Variants in ATP10B observed in about 807,000 individuals in gnomAD.
The protein encoded by ATP10B is ATPase phospholipid transporting 10B (putative).
Under a neutral mutation model 141.2 loss-of-function variants are expected in ATP10B, and 122 were observed. The ratio of observed to expected loss-of-function variants is 0.86; its 90% CI spans 0.75 to 1.00. ATP10B has a LOEUF of 1.00. Ranked by LOEUF, ATP10B falls within the 50% of genes least tolerant of loss-of-function variation. ATP10B has a pLI of 0.00. For synonymous variants in ATP10B, 685 were observed against 692.0 expected (o/e 0.99, Z 0.16); for missense variants, 1,876 against 1,825.3 (o/e 1.03, Z -0.51).
intron 1 of ATP10B, among the ~76,000 whole-genome samples, chr5:160,812,024 G>C (rs1389982740): frequency 0.011 from 222 of 20,576 alleles, 1 homozygote; most frequent in Middle Eastern, 0.016. Flanking sequence ...CAGAGACAGA[G>C]AGAGAGAGAG....
At chr5:160,743,977 A>T (rs1333740083) in intron 2 of ATP10B, among the ~76,000 whole-genome samples, 1 of 152,224 alleles carries the variant, frequency 6.6e-6, no homozygotes, top group Non-Finnish European at 1.5e-5. Context: ...CAAAATGTTA[A>T]TAATACCAAG....
chr5:160,881,006 CAT>C, the ATP10B span, among the ~76,000 whole-genome samples: 2 of 152,092 alleles, frequency 1.3e-5, no homozygotes, highest in East Asian at 1.9e-4. Context: ...GAAGACAAGA[CAT>C]AGACTGGGAG....
At chr5:160,669,558 C>T (rs991873906) in intron 7 of ATP10B, among the ~76,000 whole-genome samples, 2 of 149,986 alleles carry the variant, frequency 1.3e-5, no homozygotes, top group African/African-American at 4.9e-5. Flanking sequence ...ACAAAAGTGT[C>T]AATGCCACTG....
At chr5:160,766,917 C>G (rs111969312) in intron 2 of ATP10B, among the ~76,000 whole-genome samples, 2 of 152,120 alleles carry the variant, frequency 1.3e-5, no homozygotes, top group African/African-American at 4.8e-5. Flanking sequence ...AGATCATGGT[C>G]AAGGCAGCTG....
chr5:160,675,262 AG>A (rs1762952947), intron 6 of ATP10B, among the ~76,000 whole-genome samples: 1 of 151,304 alleles, frequency 6.6e-6, no homozygotes, highest in South Asian at 2.1e-4. Context: ...CTGCTATTTT[AG>A]TTTTATGCCA....
Position 160,644,214 on chromosome 5 carries a change from A to G in ATP10B, c.792T>C (p.Phe264=), listed in dbSNP as rs775021421. 6.2e-7 allele frequency: 1 copy of G among 1,614,010 alleles called. No individual in the cohort carries two copies. Among genetic ancestry groups the G allele is most frequent in the South Asian group, 1.1e-5 (1 of 91,072 alleles). The change falls in exon 9 of 26, where the codon TTT becomes TTC. Residue 264 remains phenylalanine (F), a synonymous_variant. Transcript: ENST00000327245. ...MEHPDQTRTG[F]GCESLLLRGC... ...CTCGAAGCAGAAGACTCTCACAGCC[A>G]AAGCCAGTCCTGGTCTGGTCAGGAT...
chr5:160,793,904 C>T (rs140718722), intron 1 of ATP10B, among the ~76,000 whole-genome samples: 129 of 152,274 alleles, frequency 8.5e-4, no homozygotes, highest in African/African-American at 2.9e-3. Flanking sequence ...AATAGAGGAA[C>T]ATGCTGTACA....
intron 24 of ATP10B, among the ~76,000 whole-genome samples, chr5:160,582,133 C>A (rs1031501481): frequency 6.6e-6 from 1 of 152,144 alleles, no homozygotes; most frequent in Non-Finnish European, 1.5e-5. Flanking sequence ...TTAATTGGAG[C>A]ATTTAGCCCA....
intron 7 of ATP10B, among the ~76,000 whole-genome samples, chr5:160,669,606 CTCTTT>C: frequency 7.9e-6 from 1 of 126,590 alleles, no homozygotes; most frequent in South Asian, 2.7e-4. Context: ...GCCAGTCTCT[CTCTTT>C]TTTTTTTTTT....
intron 8 of ATP10B, among the ~76,000 whole-genome samples, chr5:160,647,746 C>T (rs1475762925): frequency 6.6e-6 from 1 of 152,168 alleles, no homozygotes; most frequent in East Asian, 1.9e-4. Flanking sequence ...ACAGGCTTTA[C>T]CTCCTTTGCA....
Position 160,759,368 on chromosome 5 carries a change from G to A in ATP10B, c.-331+26191C>T, listed in dbSNP as rs571295074. Reference sequence around the variant, plus strand: ...CAATTTAGTCCTTAGTTTGTATCATGAAGGAAACACAGGTAAACACGATAA... The same window carrying A: ...CAATTTAGTCCTTAGTTTGTATCATAAAGGAAACACAGGTAAACACGATAA... On this transcript the variant is annotated intron_variant, in intron 2 of 25. Transcript: ENST00000327245. Among the ~76,000 whole-genome samples the A allele has an allele frequency of 3.4e-3, 521 of 152,288 alleles. 3 individuals are homozygous for A. Among genetic ancestry groups the A allele is most frequent in the African/African-American group, 0.012 (497 of 41,558 alleles).
chr5:160,867,886 T>C, the ATP10B span, among the ~76,000 whole-genome samples: 4 of 152,302 alleles, frequency 2.6e-5, no homozygotes, highest in Admixed American at 6.5e-5. Context: ...TCTATTCATT[T>C]GATGCAAATA....
chr5:160,648,575 C>G lies in ATP10B; in HGVS notation c.761+596G>C, dbSNP rs139964807. On this transcript the variant is annotated intron_variant, in intron 8 of 25. Transcript: ENST00000327245. Reference sequence around the variant, plus strand: ...AACCAAAGTTGAGGAATAAGAATAACAATTATCCTAATAGCAGGAGCCACT... The same window carrying G: ...AACCAAAGTTGAGGAATAAGAATAAGAATTATCCTAATAGCAGGAGCCACT... 1.7e-4 allele frequency among the ~76,000 whole-genome samples: 26 copies of G among 152,294 alleles called. No individual in the cohort carries two copies. In the East Asian group the frequency reaches 4.8e-3, roughly 28 times the overall value.
At chr5:160,764,787 G>C (rs1199713045) in intron 2 of ATP10B, among the ~76,000 whole-genome samples, 1 of 152,044 alleles carries the variant, frequency 6.6e-6, no homozygotes, top group Non-Finnish European at 1.5e-5. Context: ...GCTGTTTGCT[G>C]ATATAATCAC....
intron 2 of ATP10B, among the ~76,000 whole-genome samples, chr5:160,748,016 A>T (rs1453802920): frequency 7.7e-6 from 1 of 129,614 alleles, no homozygotes. Context: ...AAAAAAAAAA[A>T]GCGGCCGGGG....
intron 2 of ATP10B, among the ~76,000 whole-genome samples, chr5:160,735,468 C>G (rs1036765483): frequency 2.1e-4 from 32 of 151,950 alleles, no homozygotes; most frequent in Admixed American, 1.3e-3. Context: ...TCTACATGCA[C>G]CCAACACTGG....
chr5:160,835,638 A>T (rs1249905465), intron 1 of ATP10B, among the ~76,000 whole-genome samples: 1 of 152,116 alleles, frequency 6.6e-6, no homozygotes. Context: ...ATTTTCAACC[A>T]AAGAGACTTT....
chr5:160,578,872 C>T (rs1354869504), intron 24 of ATP10B, among the ~76,000 whole-genome samples: 1 of 152,196 alleles, frequency 6.6e-6, no homozygotes, highest in South Asian at 2.1e-4. Context: ...TAATGATCGC[C>T]ATTCTAACTG....
rs574540716 is a variant in ATP10B at position 160,585,655 on chromosome 5, ATCTTT to A, written c.3750+3932_3750+3936del. ...TACCTCCAAACAGCTTGCCATTGTT[ATCTTT>A]TCTTTAGATTTCTTTCTTGAGTAGG... On this transcript the variant is annotated intron_variant, in intron 24 of 25. Transcript: ENST00000327245. Among the ~76,000 whole-genome samples the A allele has an allele frequency of 2.2e-3, 339 of 152,304 alleles. 1 individual carries two copies. Among genetic ancestry groups the A allele is most frequent in the African/African-American group, 6.0e-3 (251 of 41,568 alleles).
Sources: allele counts gnomAD v4.1 joint callset (sites outside exome capture counted in the v4.1 genomes callset), GRCh38; gene constraint gnomAD v4.1.1; transcripts MANE v1.5; gene names NCBI Gene and HGNC (gene_info 2026-07-23, HGNC 2026-07-21).